Variants in CUL1 observed in about 807,000 individuals in gnomAD.
The protein encoded by CUL1 is cullin-1.
CUL1 carries 24 observed loss-of-function variants against 118.0 expected under a neutral mutation model. The observed-to-expected ratio is 0.20, with a 90% CI of 0.15 to 0.29. CUL1 has a LOEUF of 0.29. Among genes scored for constraint, CUL1 ranks in the 10% least tolerant of loss-of-function variants. The pLI is 1.00. For synonymous variants in CUL1, 332 were observed against 340.4 expected, an observed-to-expected ratio of 0.98 and a Z score of 0.27; for missense variants, 361 against 933.8, an observed-to-expected ratio of 0.39 and a Z score of 7.99.
intron 1 of CUL1, among the ~76,000 whole-genome samples, chr7:148,723,021 T>C (rs978660637): frequency 1.3e-5 from 2 of 152,212 alleles, no homozygotes; most frequent in African/African-American, 4.8e-5. Context: ...ACTAAAGTAA[T>C]AGTTAGCATT....
chr7:148,758,065 A>C (rs1799715466), intron 4 of CUL1, among the ~76,000 whole-genome samples: 1 of 152,134 alleles, frequency 6.6e-6, no homozygotes, highest in African/African-American at 2.4e-5. Context: ...ACTTGTTAGA[A>C]ATGCACATTC....
intron 1 of CUL1, among the ~76,000 whole-genome samples, chr7:148,699,316 A>G (rs1278377142): frequency 6.6e-6 from 1 of 151,088 alleles, no homozygotes; most frequent in African/African-American, 2.4e-5. Context: ...AAAAAGCACG[A>G]TTCATCGCGC....
intron 9 of CUL1, 156 bp from the exon 10 acceptor site, chr7:148,783,627 T>C: frequency 1.3e-6 from 2 of 1,538,040 alleles, no homozygotes; most frequent in East Asian, 4.9e-5. Flanking sequence ...GTTTCAACGA[T>C]GGTACCAAAA....
chr7:148,751,159 C>A (rs947544687), intron 2 of CUL1, among the ~76,000 whole-genome samples: 5 of 152,048 alleles, frequency 3.3e-5, no homozygotes, highest in Non-Finnish European at 5.9e-5. Flanking sequence ...TAAAGTTAAA[C>A]CCACCACTTT....
intron 1 of CUL1, among the ~76,000 whole-genome samples, chr7:148,721,883 G>A (rs1280716413): frequency 6.6e-6 from 1 of 152,030 alleles, no homozygotes; most frequent in Non-Finnish European, 1.5e-5. Flanking sequence ...TTTGTGTTTT[G>A]CTATTATAAA....
At chr7:148,769,126 A>G (rs960856402) in intron 9 of CUL1, among the ~76,000 whole-genome samples, 1 of 152,092 alleles carries the variant, frequency 6.6e-6, no homozygotes, top group Non-Finnish European at 1.5e-5. Flanking sequence ...ATTGACAGCT[A>G]TCTCACCCTT....
chr7:148,730,283 G>A, intron 2 of CUL1, 21 bp downstream of exon 2: 1 of 1,583,938 alleles, frequency 6.3e-7, no homozygotes, highest in East Asian at 2.3e-5. Flanking sequence ...GCCTAGCGCA[G>A]GTTGATTGCT....
intron 3 of CUL1, 96 bp downstream of exon 3, chr7:148,754,246 T>TA: frequency 1.2e-6 from 1 of 846,262 alleles, no homozygotes. Context: ...TGTCATCTGT[T>TA]ACTGTTTTAG....
upstream of CUL1, chr7:148,698,278 G>C (rs1300961843): frequency 6.6e-6 from 1 of 152,402 alleles, no homozygotes; most frequent in Admixed American, 6.5e-5. Context: ...TCAGGTTCCA[G>C]GCAAGCTGGG....
intron 9 of CUL1, among the ~76,000 whole-genome samples, chr7:148,778,070 C>CAAAAAAAAAAA (rs1203417069): frequency 0.01 from 138 of 13,706 alleles, 11 homozygotes; most frequent in Non-Finnish European, 0.014. Context: ...GACCCTGTCT[C>CAAAAAAAAAAA]AAAAAAAAAA....
rs902913473 is a variant in CUL1 at position 148,759,784 on chromosome 7, T to G, written c.625+146T>G. On this transcript the variant is annotated intron_variant, in intron 6 of 21. Transcript: ENST00000325222. ...GAAGGTACTTACATTTCTTTTTAAG[T>G]CAGTGTGACTTTATTTGTTTTTATC... 2.0e-5 allele frequency: 10 copies of G among 493,470 alleles called. No individual in the cohort carries two copies. In the East Asian group the frequency reaches 3.3e-4, roughly 16 times the overall value. 30.6% of individuals were successfully genotyped at this position (493,470 alleles called of 1,614,324 possible).
chr7:148,707,643 C>T (rs1797929567), intron 1 of CUL1, among the ~76,000 whole-genome samples: 1 of 152,038 alleles, frequency 6.6e-6, no homozygotes, highest in Non-Finnish European at 1.5e-5. Flanking sequence ...TGTTGGTCCC[C>T]ACACCTTCCC....
chr7:148,702,330 G>T (rs1797746305), intron 1 of CUL1, among the ~76,000 whole-genome samples: 1 of 152,174 alleles, frequency 6.6e-6, no homozygotes, highest in Non-Finnish European at 1.5e-5. Context: ...TCTTGCTTGG[G>T]AGAGAAGACA....
chr7:148,749,639 T>A (rs759910007), intron 2 of CUL1, among the ~76,000 whole-genome samples: 1 of 152,086 alleles, frequency 6.6e-6, no homozygotes, highest in African/African-American at 2.4e-5. Context: ...TTCCCCCATC[T>A]CTCTTTGGCC....
intron 1 of CUL1, among the ~76,000 whole-genome samples, chr7:148,721,962 T>G (rs1010085831): frequency 6.6e-6 from 1 of 152,230 alleles, no homozygotes; most frequent in African/African-American, 2.4e-5. Context: ...TAAGTCTAAA[T>G]TGTTTTACTG....
At position 148,778,109 on chromosome 7, in the gene CUL1, A is replaced by ATGAG. The variant is rs1327493201; in HGVS notation, c.1084-5674_1084-5673insTGAG. Among the ~76,000 whole-genome samples, 28 of 149,292 alleles carry ATGAG rather than the reference A, an allele frequency of 1.9e-4. No individual in the cohort carries two copies. The East Asian group carries it at 2.0e-3, about 11-fold the overall frequency. ...AAAAAAAAAAAAAAGAAGAAGAAGA[A>ATGAG]GAATGAGGAAAGAGAGCACTTACTG... is the stretch of plus-strand genomic sequence containing the variant. On this transcript the variant is annotated intron_variant, in intron 9 of 21. Transcript: ENST00000325222.
intron 20 of CUL1, 102 bp from the exon 21 acceptor site, chr7:148,799,173 T>G (rs1388902427): frequency 2.5e-5 from 19 of 745,316 alleles, no homozygotes; most frequent in Non-Finnish European, 4.0e-5. Context: ...ATTGTGATCC[T>G]GTGCATAGGC....
chr7:148,744,519 A>G (rs1011711520), intron 2 of CUL1, among the ~76,000 whole-genome samples: 1 of 152,032 alleles, frequency 6.6e-6, no homozygotes, highest in African/African-American at 2.4e-5. Context: ...TTAAGATTGT[A>G]TGACATCATA....
chr7:148,699,753 C>G (rs532418512), intron 1 of CUL1, among the ~76,000 whole-genome samples: 1 of 152,104 alleles, frequency 6.6e-6, no homozygotes, highest in African/African-American at 2.4e-5. Context: ...CGGACAGAGC[C>G]CCCCGGCGCC....
Sources: allele counts gnomAD v4.1 joint callset (sites outside exome capture counted in the v4.1 genomes callset), GRCh38; gene constraint gnomAD v4.1.1; transcripts MANE v1.5; gene names NCBI Gene and HGNC (gene_info 2026-07-23, HGNC 2026-07-21).